Variants in PKN2 observed in about 807,000 individuals in gnomAD.
PKN2 encodes protein kinase N2, also known as serine/threonine-protein kinase N2.
In PKN2, 38 loss-of-function variants were observed where a neutral mutation model predicts 119.1. The observed-to-expected ratio is 0.32, with a 90% CI of 0.25 to 0.42. The LOEUF is 0.42. PKN2 is among the 10% of genes least tolerant of loss of function. The pLI is 1.00. For missense variants in PKN2, 850 were observed against 1,165.1 expected (o/e 0.73, Z 3.94); for synonymous variants, 390 against 384.9 (o/e 1.01, Z -0.15).
At chr1:88,719,332 C>G (rs1464444496) in intron 1 of PKN2, among the ~76,000 whole-genome samples, 1 of 152,006 alleles carries the variant, frequency 6.6e-6, no homozygotes, top group African/African-American at 2.4e-5. Context: ...TTCATTTTTC[C>G]TTTCTCTACC....
chr1:88,721,348 C>T (rs1177388169), intron 1 of PKN2, among the ~76,000 whole-genome samples: 1 of 151,900 alleles, frequency 6.6e-6, no homozygotes, highest in East Asian at 1.9e-4. Context: ...AAGGTGGTAT[C>T]GCATTGTGTT....
At chr1:88,698,097 A>G (rs1666614470) in intron 1 of PKN2, among the ~76,000 whole-genome samples, 1 of 152,198 alleles carries the variant, frequency 6.6e-6, no homozygotes, top group Non-Finnish European at 1.5e-5. Flanking sequence ...TCAGAAAACA[A>G]TACTCTACAA....
At chr1:88,736,799 C>G (rs1668366133) in intron 1 of PKN2, among the ~76,000 whole-genome samples, 1 of 152,154 alleles carries the variant, frequency 6.6e-6, no homozygotes, top group South Asian at 2.1e-4. Flanking sequence ...TCTTTGAGCC[C>G]TTGGCCACTA....
chr1:88,828,747 T>A (rs1393534146), intron 19 of PKN2, 124 bp downstream of exon 19: 1 of 712,708 alleles, frequency 1.4e-6, no homozygotes, highest in African/African-American at 1.8e-5. Flanking sequence ...TAAATATTTA[T>A]AGTATACTAG....
chr1:88,697,182 A>G (rs1666573312), intron 1 of PKN2, among the ~76,000 whole-genome samples: 1 of 152,198 alleles, frequency 6.6e-6, no homozygotes, highest in Non-Finnish European at 1.5e-5. Flanking sequence ...TGAATAATAT[A>G]TCACTTAATA....
intron 2 of PKN2, 61 bp downstream of exon 2, chr1:88,741,349 A>G: frequency 9.1e-7 from 1 of 1,100,640 alleles, no homozygotes. Context: ...GTATCTTTTT[A>G]GAAAATAGTA....
At chr1:88,820,181 T>C (rs9287140) in intron 16 of PKN2, among the ~76,000 whole-genome samples, 3 of 13,358 alleles carry the variant, frequency 2.2e-4, no homozygotes, top group Non-Finnish European at 1.1e-3. Flanking sequence ...TTCAGAAACC[T>C]ATATATATAT....
intron 2 of PKN2, among the ~76,000 whole-genome samples, chr1:88,742,451 G>T (rs529843615): frequency 5.9e-5 from 9 of 152,080 alleles, no homozygotes; most frequent in Non-Finnish European, 1.0e-4. Flanking sequence ...AACCTTGTAA[G>T]AATAATCGAA....
chr1:88,753,560 C>G (rs2100768167), intron 2 of PKN2, among the ~76,000 whole-genome samples: 1 of 152,092 alleles, frequency 6.6e-6, no homozygotes, highest in African/African-American at 2.4e-5. Flanking sequence ...GTTCCACAGG[C>G]TGTACAGGAA....
intron 3 of PKN2, among the ~76,000 whole-genome samples, chr1:88,764,340 T>C (rs1349823516): frequency 6.6e-6 from 1 of 152,216 alleles, no homozygotes; most frequent in Non-Finnish European, 1.5e-5. Context: ...CAGCAAGCTC[T>C]TCACTACTAT....
chr1:88,827,648 TCTCCCCTCCC>T (rs1441146680), intron 18 of PKN2, among the ~76,000 whole-genome samples: 1 of 68,206 alleles, frequency 1.5e-5, no homozygotes, highest in Non-Finnish European at 3.0e-5. Flanking sequence ...CCTCCCCTCT[TCTCCCCTCCC>T]CTCCCGTCCC....
At chr1:88,761,292 G>A (rs17130599) in intron 3 of PKN2, among the ~76,000 whole-genome samples, 35 of 151,984 alleles carry the variant, frequency 2.3e-4, no homozygotes, top group Non-Finnish European at 3.7e-4. Context: ...ATGTACCTTT[G>A]TACTTTCAAC....
intron 6 of PKN2, among the ~76,000 whole-genome samples, chr1:88,781,411 A>G (rs1670339372): frequency 6.6e-6 from 1 of 152,138 alleles, no homozygotes; most frequent in Non-Finnish European, 1.5e-5. Context: ...GAAATACTGA[A>G]TTAGTGAAAT....
Position 88,758,758 on chromosome 1 carries a change from G to A in PKN2, c.350-1464G>A, listed in dbSNP as rs144616445. 8.8e-3 allele frequency among the ~76,000 whole-genome samples: 1,342 copies of A among 152,112 alleles called. 18 individuals are homozygous for A. Among genetic ancestry groups the A allele is most frequent in the South Asian group, 0.039 (186 of 4,816 alleles). The stretch of plus-strand genomic sequence containing the variant: ...AATATTCCATGGTGTGTGTGTGTGT[G>A]TATCACATTTTCTTTATTCAGTCTG... On this transcript the variant is annotated intron_variant, in intron 2 of 21. Transcript: ENST00000370521.
At chr1:88,745,476 T>A (rs1423112983) in intron 2 of PKN2, among the ~76,000 whole-genome samples, 8 of 152,132 alleles carry the variant, frequency 5.3e-5, no homozygotes. Flanking sequence ...ACTAACTATA[T>A]AATATCTGAA....
At chr1:88,814,785 CAA>C (rs1474423587) in intron 16 of PKN2, among the ~76,000 whole-genome samples, 2 of 152,114 alleles carry the variant, frequency 1.3e-5, no homozygotes, top group Non-Finnish European at 2.9e-5. Flanking sequence ...GAATATATCC[CAA>C]GTCATAGGAA....
At chr1:88,717,301 T>C (rs1035053022) in intron 1 of PKN2, among the ~76,000 whole-genome samples, 2 of 152,168 alleles carry the variant, frequency 1.3e-5, no homozygotes, top group Non-Finnish European at 2.9e-5. Flanking sequence ...AGGAGTATCT[T>C]TGTGGCATTC....
intron 1 of PKN2, 136 bp downstream of exon 1, chr1:88,684,764 T>G (rs891176462): frequency 4.3e-6 from 3 of 700,310 alleles, no homozygotes; most frequent in Non-Finnish European, 6.6e-6. Flanking sequence ...GGGATGTCAC[T>G]CGGGAAATGC....
Position 88,835,730 on chromosome 1 carries a change from A to G in PKN2, c.*2282A>G, listed in dbSNP as rs1340076689. 6.6e-6 allele frequency: 1 copy of G among 152,382 alleles called. No individual in the cohort carries two copies. The highest frequency in any genetic ancestry group is 1.5e-5 in the Non-Finnish European group (1 of 67,916). The allele number at this position is 152,382 out of a possible 1,614,324, so 9.4% of individuals were successfully genotyped here. A position where few individuals can be genotyped will look rare whatever the true frequency, so the allele number is the denominator to read the frequency against. The stretch of plus-strand genomic sequence containing the variant: ...ATGTGCCTTTCACTATGTCATTCTA[A>G]GAAAACAAGTGTTTTTTGCAGTCAT... On this transcript the variant is annotated 3_prime_UTR_variant, in exon 22 of 22. Coordinates refer to ENST00000370521, the MANE Select transcript of PKN2 (RefSeq NM_006256.4).
Sources: gnomAD v4.1 joint callset for allele counts (sites outside exome capture counted in the v4.1 genomes callset) on GRCh38, gnomAD v4.1.1 for gene constraint, MANE v1.5 for transcripts, NCBI Gene and HGNC (gene_info 2026-07-23, HGNC 2026-07-21) for gene names.